The following FBXO15 variants were observed in gnomAD, a reference collection of about 807,000 sequenced individuals.
FBXO15 encodes F-box only protein 15.
FBXO15 carries 30 observed loss-of-function variants against 49.5 expected under a neutral mutation model. The observed-to-expected ratio is 0.61, with a 90% CI of 0.45 to 0.82. The LOEUF is 0.82. Among genes scored for constraint, FBXO15 ranks in the 40% least tolerant of loss-of-function variants. FBXO15 has a pLI of 0.00. For missense variants in FBXO15, 591 were observed against 631.5 expected (o/e 0.94, Z 0.69); for synonymous variants, 250 against 232.7 (o/e 1.07, Z -0.68).
intron 8 of FBXO15, chr18:74,097,752 T>C (rs1913342775): frequency 6.6e-6 from 1 of 152,294 alleles, no homozygotes; most frequent in African/African-American, 2.4e-5. Flanking sequence ...CTCCCTATAC[T>C]ACTACAGCCG....
intron 8 of FBXO15, among the ~76,000 whole-genome samples, chr18:74,093,617 T>A (rs113656322): frequency 3.3e-5 from 5 of 152,222 alleles, no homozygotes; most frequent in Non-Finnish European, 4.4e-5. Context: ...TCCATTCAAG[T>A]TTTATCATGA....
At chr18:74,100,020 T>C (rs1338108465) in intron 8 of FBXO15, 3 of 151,948 alleles carry the variant, frequency 2.0e-5, no homozygotes, top group Admixed American at 1.3e-4. Flanking sequence ...AGACAGAAAG[T>C]CAACAAAGAA....
Position 74,145,593 on chromosome 18 carries a change from A to AGTTTTTT in FBXO15, c.116+2076_116+2077insAAAAAAC, listed in dbSNP as rs1568186088. On this transcript the variant is annotated intron_variant, in intron 1 of 9. Transcript: ENST00000419743. ...TTTATCCATAAAATAAACCAACTGC[A>AGTTTTTT]CTTTTTTTTTTTTTTTTTTTTTGCG... 2.7e-3 allele frequency among the ~76,000 whole-genome samples: 292 copies of AGTTTTTT among 108,098 alleles called. 1 individual carries two copies. Among genetic ancestry groups the AGTTTTTT allele is most frequent in the African/African-American group, 0.013 (281 of 22,114 alleles). The allele number at this position is 108,098 out of a possible 152,430, so 70.9% of individuals were successfully genotyped here.
chr18:74,126,891 T>C (rs983658418), intron 5 of FBXO15, among the ~76,000 whole-genome samples: 2 of 152,194 alleles, frequency 1.3e-5, no homozygotes, highest in Admixed American at 6.5e-5. Context: ...CTCTTCAAAA[T>C]AACTTCTTGT....
At position 74,103,989 on chromosome 18, in the gene FBXO15, C is replaced by T. The variant is rs373871837; in HGVS notation, c.1138+19379G>A. On this transcript the variant is annotated intron_variant, in intron 8 of 9. Coordinates refer to ENST00000419743, the MANE Select transcript of FBXO15 (RefSeq NM_001142958.2). ...AACTCAGAATATTCTAACACTGTAA[C>T]TGTGGTGTGCAATCCATTCATAACT... 6.6e-5 allele frequency among the ~76,000 whole-genome samples: 10 copies of T among 152,262 alleles called. 1 individual carries two copies. Among genetic ancestry groups the T allele is most frequent in the African/African-American group, 2.2e-4 (9 of 41,560 alleles).
At chr18:74,121,578 C>T (rs149797107) in intron 8 of FBXO15, among the ~76,000 whole-genome samples, 102 of 152,180 alleles carry the variant, frequency 6.7e-4, no homozygotes, top group African/African-American at 2.3e-3. Flanking sequence ...CCAACAAACG[C>T]GAGAAAACCT....
chr18:74,135,672 A>C (rs1978670770), intron 3 of FBXO15, 90 bp downstream of exon 3: 2 of 1,017,982 alleles, frequency 2.0e-6, no homozygotes, highest in African/African-American at 3.3e-5. Context: ...AATTCTCTTA[A>C]ATTCTTAAAA....
chr18:74,114,575 T>A (rs1914152217), intron 8 of FBXO15, among the ~76,000 whole-genome samples: 1 of 152,196 alleles, frequency 6.6e-6, no homozygotes, highest in South Asian at 2.1e-4. Flanking sequence ...CACCTTAAGT[T>A]TTCATTTACA....
At chr18:74,105,620 G>A (rs1369204537) in intron 8 of FBXO15, among the ~76,000 whole-genome samples, 1 of 143,866 alleles carries the variant, frequency 7.0e-6, no homozygotes, top group East Asian at 2.0e-4. Flanking sequence ...TTTTTTTTTT[G>A]TATTTTTAGG....
At chr18:74,127,842 A>G (rs1454724334) in intron 5 of FBXO15, among the ~76,000 whole-genome samples, 2 of 152,334 alleles carry the variant, frequency 1.3e-5, no homozygotes, top group East Asian at 3.9e-4. Flanking sequence ...TTATAATTCA[A>G]CATTATCCAT....
intron 8 of FBXO15, 131 bp downstream of exon 8, chr18:74,123,237 G>T (rs1914545758): frequency 1.5e-5 from 15 of 969,742 alleles, no homozygotes; most frequent in Admixed American, 2.3e-5. Flanking sequence ...TGACACACGG[G>T]TCTGGGAGGA....
chr18:74,124,877 G>A (rs1914640207), intron 6 of FBXO15, among the ~76,000 whole-genome samples: 1 of 152,210 alleles, frequency 6.6e-6, no homozygotes. Context: ...AAACTATGCA[G>A]TTAGTTCCAG....
intron 8 of FBXO15, among the ~76,000 whole-genome samples, chr18:74,091,304 T>C (rs1175681909): frequency 6.6e-6 from 1 of 152,164 alleles, no homozygotes; most frequent in African/African-American, 2.4e-5. Flanking sequence ...GTGAGATGGG[T>C]GTCCCGAAGA....
At chr18:74,119,857 G>A (rs1258018137) in intron 8 of FBXO15, among the ~76,000 whole-genome samples, 1 of 152,146 alleles carries the variant, frequency 6.6e-6, no homozygotes, top group African/African-American at 2.4e-5. Flanking sequence ...AGGTTTAAAG[G>A]GGAAGGAGAG....
chr18:74,089,120 G>A (rs1253119924), intron 8 of FBXO15, among the ~76,000 whole-genome samples: 2 of 152,010 alleles, frequency 1.3e-5, no homozygotes, highest in Non-Finnish European at 2.9e-5. Context: ...TTATCCTGAT[G>A]CTCTCTCTTT....
At chr18:74,126,154 T>TAG in intron 5 of FBXO15, 53 bp from the exon 6 acceptor site, 2 of 1,604,136 alleles carry the variant, frequency 1.2e-6, no homozygotes, top group African/African-American at 1.3e-5. Flanking sequence ...TTCCTGTCCA[T>TAG]AGTGTTGTCA....
chr18:74,077,058 T>C (rs553606400), intron 9 of FBXO15, among the ~76,000 whole-genome samples: 1 of 152,310 alleles, frequency 6.6e-6, no homozygotes, highest in African/African-American at 2.4e-5. Flanking sequence ...CAGAACTTGA[T>C]ACAGCTGCAG....
At chr18:74,116,790 G>A (rs1484822274) in intron 8 of FBXO15, among the ~76,000 whole-genome samples, 1 of 152,244 alleles carries the variant, frequency 6.6e-6, no homozygotes, top group African/African-American at 2.4e-5. Context: ...CCCTCTGTGT[G>A]GCCCATGTCC....
At chr18:74,085,078 A>G (rs759734354) in intron 8 of FBXO15, among the ~76,000 whole-genome samples, 6 of 152,182 alleles carry the variant, frequency 3.9e-5, no homozygotes, top group Admixed American at 6.5e-5. Context: ...CTTATCTATT[A>G]TAGTTTCACA....
Sources: allele counts gnomAD v4.1 joint callset (sites outside exome capture counted in the v4.1 genomes callset), GRCh38; gene constraint gnomAD v4.1.1; transcripts MANE v1.5; gene names NCBI Gene and HGNC (gene_info 2026-07-23, HGNC 2026-07-21).